The following IDO1 variants were observed in gnomAD, a reference collection of about 807,000 sequenced individuals.
IDO1 encodes indolamine 2,3 dioxygenase.
A neutral mutation model predicts 38.8 loss-of-function variants in IDO1; 35 were observed. The observed-to-expected ratio is 0.90, with a 90% CI of 0.69 to 1.20. The LOEUF is 1.20. Among genes scored for constraint, IDO1 ranks in the 50% most tolerant of loss-of-function variants. The pLI is 0.00. For missense variants in IDO1, 509 were observed against 485.1 expected (o/e 1.05, Z -0.46); for synonymous variants, 171 against 170.0 (o/e 1.01, Z -0.05).
intron 6 of IDO1, 46 bp downstream of exon 6, chr8:39,922,697 C>A: frequency 1.6e-6 from 2 of 1,275,080 alleles, no homozygotes; most frequent in Non-Finnish European, 2.3e-6. Context: ...TTTACGTAAG[C>A]AGAGCAATCA....
rs1275069520 is a variant in IDO1 at position 39,924,679 on chromosome 8, CCT to C, written c.656-39_656-38del. 9.2e-6 allele frequency: 13 copies of C among 1,411,696 alleles called. No homozygotes were observed. The East Asian group carries it at 2.7e-4, about 30-fold the overall frequency. The allele number at this position is 1,411,696 out of a possible 1,614,324, so 87.4% of individuals were successfully genotyped here. A position where few individuals can be genotyped will look rare whatever the true frequency, so the allele number is the denominator to read the frequency against. On this transcript the variant is annotated intron_variant, in intron 7 of 9. Transcript: ENST00000518237. ...CACAACACCTTGATTTCCCTGTATA[CCT>C]CTGATGCTGCTTAATTAAACATATT... is the stretch of plus-strand genomic sequence containing the variant.
intron 9 of IDO1, 145 bp downstream of exon 9, chr8:39,925,516 T>C (rs1005579744): frequency 5.0e-6 from 4 of 802,672 alleles, no homozygotes; most frequent in Non-Finnish European, 7.5e-6. Flanking sequence ...TTGGTTGCCA[T>C]GATCCCATTT....
chr8:39,921,372 G>T (rs1033418481), intron 5 of IDO1, among the ~76,000 whole-genome samples: 4 of 152,086 alleles, frequency 2.6e-5, no homozygotes, highest in African/African-American at 9.7e-5. Flanking sequence ...AGAATAGCTT[G>T]AACCCAGGAG....
intron 3 of IDO1, chr8:39,918,514 G>A (rs1807214488): frequency 2.2e-6 from 1 of 458,590 alleles, no homozygotes; most frequent in Non-Finnish European, 3.9e-6. Context: ...GAGAGGCCAA[G>A]GCCGGAGGAT....
intron 8 of IDO1, 73 bp downstream of exon 8, chr8:39,924,845 C>A: frequency 9.1e-7 from 1 of 1,104,250 alleles, no homozygotes; most frequent in Non-Finnish European, 1.4e-6. Context: ...TTGGTTGGTC[C>A]CTAATATCCA....
At chr8:39,918,254 T>C in intron 3 of IDO1, 47 bp downstream of exon 3, 15 of 1,581,926 alleles carry the variant, frequency 9.5e-6, no homozygotes, top group Non-Finnish European at 1.2e-5. Flanking sequence ...CAGATTTTCA[T>C]CTAATTTACA....
chr8:39,922,462 T>C (rs1388377114), intron 5 of IDO1, 90 bp from the exon 6 acceptor site: 4 of 814,188 alleles, frequency 4.9e-6, no homozygotes, highest in Non-Finnish European at 8.4e-6. Context: ...CATAAAATTA[T>C]GTTGAAACTA....
chr8:39,928,702 C>T lies in IDO1; in HGVS notation c.*517C>T, dbSNP rs372424675. On this transcript the variant is annotated 3_prime_UTR_variant, in exon 10 of 10. Transcript: ENST00000518237. Reference sequence around the variant, plus strand: ...GAGCCAAGATTGTGCCACTGCAATCCGGCCTGGGCTAAAGAGCGGGACTCC... The same window carrying T: ...GAGCCAAGATTGTGCCACTGCAATCTGGCCTGGGCTAAAGAGCGGGACTCC... Among the ~76,000 whole-genome samples, 39 of 146,496 alleles carry T rather than the reference C, an allele frequency of 2.7e-4. 1 individual carries two copies. The highest frequency in any genetic ancestry group is 9.1e-4 in the African/African-American group (36 of 39,592).
In IDO1 at chr8:39,917,906, T is replaced by C; in HGVS notation, c.119T>C (p.Met40Thr). Residue 40 changes from methionine to threonine, a missense_variant, in exon 2 of 10, where the codon ATG becomes ACG. Transcript: ENST00000518237. Reference protein sequence around the residue: ...ENLPDFYNDWMFIAKHLPDLI... With the variant: ...ENLPDFYNDWTFIAKHLPDLI... The stretch of plus-strand genomic sequence containing the variant: ...CTACCTGATTTTTATAATGACTGGA[T>C]GTTCATTGCTAAACATCTGCCTGAT... The C allele has an allele frequency of 6.2e-7, 1 of 1,611,786 alleles. No individual in the cohort carries two copies.
Position 39,928,228 on chromosome 8 carries a change from G to A in IDO1, c.*43G>A. 1 of 1,353,046 alleles carries A rather than the reference G, an allele frequency of 7.4e-7. No individual in the cohort carries two copies. Among genetic ancestry groups the A allele is most frequent in the Non-Finnish European group, 1.0e-6 (1 of 973,756 alleles). 83.8% of individuals were successfully genotyped at this position (1,353,046 alleles called of 1,614,324 possible). A position where few individuals can be genotyped will look rare whatever the true frequency, so the allele number is the denominator to read the frequency against. On this transcript the variant is annotated 3_prime_UTR_variant, in exon 10 of 10. Coordinates refer to ENST00000518237, the MANE Select transcript of IDO1 (RefSeq NM_002164.6). ...ACATTTTATCATAGCAGAGACATCTGTATGCATTCCTGTCATTACCCATTG... is the reference window on the plus strand; with the variant it reads ...ACATTTTATCATAGCAGAGACATCTATATGCATTCCTGTCATTACCCATTG...
At chr8:39,924,251 C>T (rs150783131) in intron 7 of IDO1, among the ~76,000 whole-genome samples, 64 of 152,090 alleles carry the variant, frequency 4.2e-4, no homozygotes, top group African/African-American at 1.4e-3. Context: ...GTGTAGTTTC[C>T]AGCTACTTGG....
chr8:39,924,482 T>G (rs897481966), intron 7 of IDO1, among the ~76,000 whole-genome samples: 8 of 152,310 alleles, frequency 5.3e-5, no homozygotes, highest in Middle Eastern at 3.4e-3. Flanking sequence ...ACAGTTTACT[T>G]GTTACGTCAG....
rs1807202631 is a variant in IDO1 at position 39,917,978 on chromosome 8, A to C, written c.183+8A>C. The stretch of plus-strand genomic sequence containing the variant: ...CGAGAAAGAGTTGAGAAGGTTTGAC[A>C]TATGTATTACATTTGTCTTCTTGTA... On this transcript the variant is annotated splice_region_variant and intron_variant, in intron 2 of 9. Coordinates refer to ENST00000518237, the MANE Select transcript of IDO1 (RefSeq NM_002164.6). 6.2e-7 allele frequency: 1 copy of C among 1,612,008 alleles called. No individual in the cohort carries two copies. Among genetic ancestry groups the C allele is most frequent in the South Asian group, 1.1e-5 (1 of 91,056 alleles).
chr8:39,917,932 C>G lies in IDO1; in HGVS notation c.145C>G (p.Leu49Val). 1 of 1,612,824 alleles carries G rather than the reference C, an allele frequency of 6.2e-7. No individual in the cohort carries two copies. Among genetic ancestry groups the G allele is most frequent in the Non-Finnish European group, 8.5e-7 (1 of 1,179,228 alleles). ...WMFIAKHLPD[L>V]IESGQLRERV... ...GTTCATTGCTAAACATCTGCCTGAT[C>G]TCATAGAGTCTGGCCAGCTTCGAGA... Residue 49 changes from leucine to valine, a missense_variant, in exon 2 of 10, where the codon CTC becomes GTC. Transcript: ENST00000518237.
chr8:39,917,277 C>T (rs1217945157), intron 1 of IDO1, among the ~76,000 whole-genome samples: 4 of 152,154 alleles, frequency 2.6e-5, no homozygotes, highest in African/African-American at 4.8e-5. Flanking sequence ...AGGCAGATCA[C>T]CTGAGGTTAG....
At chr8:39,926,309 G>A (rs1807359003) in intron 9 of IDO1, among the ~76,000 whole-genome samples, 1 of 152,218 alleles carries the variant, frequency 6.6e-6, no homozygotes, top group Non-Finnish European at 1.5e-5. Context: ...TGACTCCGGT[G>A]AAGCCAATAT....
chr8:39,928,649 C>T lies in IDO1; in HGVS notation c.*464C>T, dbSNP rs987665254. 2.0e-5 allele frequency among the ~76,000 whole-genome samples: 3 copies of T among 150,138 alleles called. No homozygotes were observed. Among genetic ancestry groups the T allele is most frequent in the South Asian group, 4.2e-4 (2 of 4,774 alleles). ...TCGGGAGGCTGAGGCAGGAGAATGG[C>T]GTGAACCTGGGAGGCGGAGCTTGCA... On this transcript the variant is annotated 3_prime_UTR_variant, in exon 10 of 10. Coordinates refer to ENST00000518237, the MANE Select transcript of IDO1 (RefSeq NM_002164.6).
chr8:39,922,148 C>CCATCA (rs1167985079), intron 5 of IDO1, among the ~76,000 whole-genome samples: 1 of 152,074 alleles, frequency 6.6e-6, no homozygotes, highest in Non-Finnish European at 1.5e-5. Context: ...TTACAGGCGC[C>CCATCA]CATCACCATG....
Position 39,913,910 on chromosome 8 carries a change from G to T in IDO1, c.-13G>T. On this transcript the variant is annotated 5_prime_UTR_variant, in exon 1 of 10. Coordinates refer to ENST00000518237, the MANE Select transcript of IDO1 (RefSeq NM_002164.6). Reference sequence around the variant, plus strand: ...TCAGACACTGAGGGGCACCAGAGGAGCAGACTACAAGAATGGCACACGCTA... The same window carrying T: ...TCAGACACTGAGGGGCACCAGAGGATCAGACTACAAGAATGGCACACGCTA... 2 of 1,552,730 alleles carry T rather than the reference G, an allele frequency of 1.3e-6. No homozygotes were observed. Among genetic ancestry groups the T allele is most frequent in the Non-Finnish European group, 1.7e-6 (2 of 1,145,402 alleles).
Sources: allele counts gnomAD v4.1 joint callset (sites outside exome capture counted in the v4.1 genomes callset), GRCh38; gene constraint gnomAD v4.1.1; transcripts MANE v1.5; gene names NCBI Gene and HGNC (gene_info 2026-07-23, HGNC 2026-07-21).